FKTN: variants seen among roughly 807,000 people sequenced by gnomAD.
FKTN encodes ribitol-5-phosphate transferase FKTN.
FKTN carries 47 observed loss-of-function variants against 58.6 expected under a neutral mutation model. The ratio of observed to expected loss-of-function variants is 0.80; its 90% confidence interval spans 0.63 to 1.02. FKTN has a LOEUF of 1.02. Ranked by LOEUF, FKTN falls within the 50% of genes least tolerant of loss-of-function variation. FKTN has a pLI of 0.00. For missense variants in FKTN, 516 were observed against 537.3 expected (o/e 0.96, Z 0.39); for synonymous variants, 178 against 191.9 (o/e 0.93, Z 0.60).
intron 3 of FKTN, among the ~76,000 whole-genome samples, chr9:105,593,339 G>A (rs759092472): frequency 1.3e-5 from 2 of 152,130 alleles, no homozygotes; most frequent in Non-Finnish European, 2.9e-5. Context: ...AATCCGTCAC[G>A]AGAAACTGTT....
intron 3 of FKTN, among the ~76,000 whole-genome samples, chr9:105,582,119 C>G (rs1005398894): frequency 1.3e-5 from 2 of 152,218 alleles, no homozygotes; most frequent in African/African-American, 4.8e-5. Flanking sequence ...GCAGAAATCA[C>G]CCGTCTTCTG....
At chr9:105,620,198 C>G in intron 10 of FKTN, 137 bp downstream of exon 10, 1 of 690,566 alleles carries the variant, frequency 1.4e-6, no homozygotes, top group Non-Finnish European at 2.5e-6. Flanking sequence ...CTTAGCTTAC[C>G]CATAGAGTCC....
At chr9:105,558,625 T>C (rs1837650268) in intron 1 of FKTN, among the ~76,000 whole-genome samples, 1 of 151,452 alleles carries the variant, frequency 6.6e-6, no homozygotes, top group African/African-American at 2.4e-5. Flanking sequence ...GCTTCAGTTT[T>C]GTCAGATGTG....
At chr9:105,594,467 A>G (rs1330964624) in intron 3 of FKTN, among the ~76,000 whole-genome samples, 2 of 152,212 alleles carry the variant, frequency 1.3e-5, no homozygotes, top group African/African-American at 2.4e-5. Flanking sequence ...ATGAATTTAA[A>G]TTGACATCAG....
chr9:105,585,752 GATAA>G (rs1843788286), intron 3 of FKTN, among the ~76,000 whole-genome samples: 1 of 152,168 alleles, frequency 6.6e-6, no homozygotes, highest in African/African-American at 2.4e-5. Flanking sequence ...GATATGCTTA[GATAA>G]ATAAATTCAT....
rs1841405344 is a variant in FKTN at position 105,574,977 on chromosome 9, A to C, written c.-56A>C. ...AATTATCTTCCTTTCCAAATCCAAA[A>C]AGATGAAAACGACTGAGATACTTTC... On this transcript the variant is annotated 5_prime_UTR_variant, in exon 3 of 11. Coordinates refer to ENST00000357998, the MANE Select transcript of FKTN (RefSeq NM_001079802.2). The C allele has an allele frequency of 1.0e-6, 1 of 967,286 alleles. No homozygotes were observed. Among genetic ancestry groups the C allele is most frequent in the African/African-American group, 1.6e-5 (1 of 62,734 alleles). 59.9% of individuals were successfully genotyped at this position (967,286 alleles called of 1,614,324 possible).
At chr9:105,617,800 T>C (rs1443884499) in intron 8 of FKTN, among the ~76,000 whole-genome samples, 159 bp from the exon 9 acceptor site, 1 of 152,036 alleles carries the variant, frequency 6.6e-6, no homozygotes, top group Admixed American at 6.6e-5. Context: ...GGCAGGAGGA[T>C]CACTTGAGCC....
intron 3 of FKTN, among the ~76,000 whole-genome samples, chr9:105,579,963 G>T (rs2132156161): frequency 6.6e-6 from 1 of 151,730 alleles, no homozygotes; most frequent in Non-Finnish European, 1.5e-5. Flanking sequence ...TTTAAAGTCT[G>T]TTTTATCAGA....
chr9:105,560,515 G>T (rs1164823701), intron 1 of FKTN, among the ~76,000 whole-genome samples: 1 of 152,072 alleles, frequency 6.6e-6, no homozygotes, highest in African/African-American at 2.4e-5. Context: ...AATAATATAT[G>T]CTTATACAAA....
chr9:105,598,669 T>G (rs1424503983), intron 4 of FKTN: 2 of 152,212 alleles, frequency 1.3e-5, no homozygotes, highest in Admixed American at 6.5e-5. Context: ...TTAATGATTG[T>G]ATTGATAACA....
At chr9:105,618,477 T>C (rs1370861453) in intron 9 of FKTN, among the ~76,000 whole-genome samples, 1 of 152,230 alleles carries the variant, frequency 6.6e-6, no homozygotes, top group Non-Finnish European at 1.5e-5. Flanking sequence ...CCGTACCTGA[T>C]TGTTTCTCAT....
chr9:105,578,081 G>C (rs1451536607), intron 3 of FKTN, among the ~76,000 whole-genome samples: 3 of 151,916 alleles, frequency 2.0e-5, no homozygotes, highest in Admixed American at 6.6e-5. Context: ...TGAGACAATG[G>C]GGTTTTCTAG....
intron 3 of FKTN, among the ~76,000 whole-genome samples, chr9:105,584,731 G>A (rs1255569067): frequency 1.3e-5 from 2 of 152,030 alleles, no homozygotes; most frequent in Non-Finnish European, 2.9e-5. Flanking sequence ...GAGGTGAGAG[G>A]ATCACTTGAG....
At chr9:105,603,219 T>C (rs1321278607) in intron 5 of FKTN, among the ~76,000 whole-genome samples, 1 of 152,248 alleles carries the variant, frequency 6.6e-6, no homozygotes, top group Non-Finnish European at 1.5e-5. Flanking sequence ...AAATATTTCC[T>C]GAATTTGTCA....
chr9:105,591,832 G>C (rs781470667), intron 3 of FKTN, among the ~76,000 whole-genome samples: 9 of 152,202 alleles, frequency 5.9e-5, no homozygotes, highest in Non-Finnish European at 1.3e-4. Flanking sequence ...GGACATCCAG[G>C]CTTTTCCATA....
chr9:105,570,163 T>C (rs764231774), intron 1 of FKTN, among the ~76,000 whole-genome samples: 2 of 152,100 alleles, frequency 1.3e-5, no homozygotes, highest in Non-Finnish European at 2.9e-5. Context: ...ATATTTCAAA[T>C]TCTGTTTTAT....
At chr9:105,629,554 A>G (rs1204025547) in intron 10 of FKTN, among the ~76,000 whole-genome samples, 2 of 152,212 alleles carry the variant, frequency 1.3e-5, no homozygotes, top group African/African-American at 4.8e-5. Flanking sequence ...TTGAAGTGCT[A>G]TTAGATCTAG....
At chr9:105,616,363 A>G (rs1830808381) in intron 8 of FKTN, among the ~76,000 whole-genome samples, 1 of 152,200 alleles carries the variant, frequency 6.6e-6, no homozygotes. Flanking sequence ...ACTGAGAGGA[A>G]CATTAAAGAC....
intron 1 of FKTN, among the ~76,000 whole-genome samples, chr9:105,569,621 T>C (rs929481982): frequency 6.6e-6 from 1 of 152,176 alleles, no homozygotes; most frequent in Admixed American, 6.5e-5. Context: ...TGCCCATTTC[T>C]TTCTTCTTCA....
Sources: gnomAD v4.1 joint callset for allele counts (sites outside exome capture counted in the v4.1 genomes callset) on GRCh38, gnomAD v4.1.1 for gene constraint, MANE v1.5 for transcripts, NCBI Gene and HGNC (gene_info 2026-07-23, HGNC 2026-07-21) for gene names.